CDH9: variants seen among roughly 807,000 people sequenced by gnomAD.
CDH9 encodes the protein cadherin 9.
Under a neutral mutation model 70.9 loss-of-function variants are expected in CDH9, and 28 were observed. The ratio of observed to expected loss-of-function variants is 0.40; its 90% CI spans 0.29 to 0.54. CDH9 has a LOEUF of 0.54. Among genes scored for constraint, CDH9 ranks in the 20% least tolerant of loss-of-function variants. The pLI is 0.59. For missense variants in CDH9, 874 were observed against 984.4 expected (o/e 0.89, Z 1.50); for synonymous variants, 409 against 343.1 (o/e 1.19, Z -2.12).
chr5:26,959,603 A>T (rs891004129), intron 2 of CDH9, among the ~76,000 whole-genome samples: 1 of 152,128 alleles, frequency 6.6e-6, no homozygotes, highest in African/African-American at 2.4e-5. Flanking sequence ...GAAACCAAAG[A>T]TCTATCAATG....
intron 1 of CDH9, 107 bp from the exon 2 acceptor site, chr5:26,988,489 A>C (rs976199722): frequency 1.1e-6 from 1 of 911,564 alleles, no homozygotes; most frequent in East Asian, 2.8e-5. Context: ...TTTATTATGT[A>C]CTATATATAC....
chr5:26,948,632 G>A (rs1311882040), intron 2 of CDH9, among the ~76,000 whole-genome samples: 2 of 152,152 alleles, frequency 1.3e-5, no homozygotes, highest in East Asian at 3.9e-4. Context: ...TGGCCTACAT[G>A]TATATATGTT....
At chr5:26,974,835 T>C (rs1351602390) in intron 2 of CDH9, among the ~76,000 whole-genome samples, 1 of 132,180 alleles carries the variant, frequency 7.6e-6, no homozygotes, top group African/African-American at 2.8e-5. Context: ...TGTGTGTGCG[T>C]GTGTGTTGAG....
chr5:26,928,937 A>C (rs565367983), intron 2 of CDH9, among the ~76,000 whole-genome samples: 1 of 152,102 alleles, frequency 6.6e-6, no homozygotes, highest in African/African-American at 2.4e-5. Flanking sequence ...TTTGGGCAAA[A>C]ATTAGTTAAG....
At chr5:26,994,569 T>C (rs565891706) in intron 1 of CDH9, among the ~76,000 whole-genome samples, 1 of 147,594 alleles carries the variant, frequency 6.8e-6, no homozygotes, top group Admixed American at 6.7e-5. Context: ...GTTTGTTTTG[T>C]TTTTTTTTGC....
At chr5:26,924,868 C>CA (rs70939784) in intron 2 of CDH9, among the ~76,000 whole-genome samples, 152,118 of 152,120 alleles carry the variant, frequency 1, 76,058 homozygotes, top group Middle Eastern at 1. Flanking sequence ...CATGTCCCTG[C>CA]AAGGACATGA....
In CDH9 at chr5:26,951,923, C is replaced by G. The variant is rs537202575; in HGVS notation, c.229-35999G>C. Among the ~76,000 whole-genome samples the G allele has an allele frequency of 2.8e-3, 409 of 145,068 alleles. 1 individual carries two copies. Among genetic ancestry groups the G allele is most frequent in the African/African-American group, 0.01 (397 of 39,690 alleles). On this transcript the variant is annotated intron_variant, in intron 2 of 11. Transcript: ENST00000231021. ...GTATGCTATGGCTCACATGTTTGTC[C>G]CCTTTCAACACTCATGTTAAAATTT...
At chr5:26,928,104 C>A (rs1741377835) in intron 2 of CDH9, among the ~76,000 whole-genome samples, 1 of 151,908 alleles carries the variant, frequency 6.6e-6, no homozygotes, top group Non-Finnish European at 1.5e-5. Flanking sequence ...AACCTAAAGA[C>A]CCCACCAAAA....
chr5:26,899,186 A>G (rs1346253321), intron 7 of CDH9, among the ~76,000 whole-genome samples: 3 of 152,108 alleles, frequency 2.0e-5, no homozygotes, highest in Admixed American at 1.3e-4. Context: ...GCTGGAGAGT[A>G]TGTGGAGAAA....
At chr5:27,009,496 T>C (rs1465895714) in intron 1 of CDH9, among the ~76,000 whole-genome samples, 2 of 152,008 alleles carry the variant, frequency 1.3e-5, no homozygotes, top group Non-Finnish European at 2.9e-5. Context: ...GCAGAAAAAG[T>C]ATTCAATTTT....
At chr5:26,891,999 A>T (rs1330524949) in intron 7 of CDH9, among the ~76,000 whole-genome samples, 2 of 152,132 alleles carry the variant, frequency 1.3e-5, no homozygotes, top group Non-Finnish European at 2.9e-5. Flanking sequence ...GGAAAGAAAT[A>T]TGGCCCTGTT....
rs575007908 is a variant in CDH9 at position 27,018,534 on chromosome 5, A to G, written c.-50+19929T>C. Among the ~76,000 whole-genome samples, 4 of 152,070 alleles carry G rather than the reference A, an allele frequency of 2.6e-5. No homozygotes were observed. The South Asian group carries it at 8.3e-4, about 32-fold the overall frequency. On this transcript the variant is annotated intron_variant, in intron 1 of 11. Transcript: ENST00000231021. ...TCCCAGGGAGCCCTCTAAATCATGT[A>G]ATCATGTAGACATATTCTAAGTGAT...
At chr5:26,892,148 G>A (rs910232696) in intron 7 of CDH9, among the ~76,000 whole-genome samples, 40 of 152,104 alleles carry the variant, frequency 2.6e-4, no homozygotes, top group Admixed American at 1.0e-3. Context: ...ATCCTTAAAA[G>A]ATAAATTTTT....
intron 2 of CDH9, among the ~76,000 whole-genome samples, chr5:26,984,787 G>A (rs991031313): frequency 2.6e-5 from 4 of 151,960 alleles, no homozygotes; most frequent in African/African-American, 4.8e-5. Context: ...ACAACATTTC[G>A]CTTATTACAT....
intron 3 of CDH9, among the ~76,000 whole-genome samples, chr5:26,911,792 T>C (rs1005964748): frequency 3.9e-5 from 6 of 152,190 alleles, no homozygotes; most frequent in African/African-American, 1.4e-4. Context: ...GATTAGAATA[T>C]GCTAGTGTAT....
chr5:26,932,020 A>C, intron 2 of CDH9, among the ~76,000 whole-genome samples: 1 of 152,318 alleles, frequency 6.6e-6, no homozygotes, highest in Non-Finnish European at 1.5e-5. Context: ...ACATAGTCAA[A>C]TTGATAAAAG....
intron 9 of CDH9, 70 bp downstream of exon 9, chr5:26,889,766 A>G (rs1190057220): frequency 1.1e-5 from 10 of 879,136 alleles, no homozygotes; most frequent in African/African-American, 1.7e-5. Flanking sequence ...CTGCAAATAA[A>G]GTGATGTAAT....
intron 2 of CDH9, among the ~76,000 whole-genome samples, chr5:26,928,280 T>G (rs573310395): frequency 6.6e-6 from 1 of 152,130 alleles, no homozygotes; most frequent in African/African-American, 2.4e-5. Flanking sequence ...CATAAGAGTT[T>G]ACCTCACGAA....
At chr5:26,963,414 G>T (rs954796038) in intron 2 of CDH9, among the ~76,000 whole-genome samples, 3 of 152,104 alleles carry the variant, frequency 2.0e-5, no homozygotes, top group South Asian at 2.1e-4. Flanking sequence ...TAATTATAAA[G>T]GTATCAAATG....
Sources: gnomAD v4.1 joint callset for allele counts (sites outside exome capture counted in the v4.1 genomes callset) on GRCh38, gnomAD v4.1.1 for gene constraint, MANE v1.5 for transcripts, NCBI Gene and HGNC (gene_info 2026-07-23, HGNC 2026-07-21) for gene names.